The following MECOM variants were observed in gnomAD, a reference collection of about 807,000 sequenced individuals.
MECOM encodes histone-lysine N-methyltransferase MECOM.
A neutral mutation model predicts 116.3 loss-of-function variants in MECOM; 13 were observed. The ratio of observed to expected loss-of-function variants is 0.11; its 90% CI spans 0.07 to 0.18. MECOM has a LOEUF of 0.18. Ranked by LOEUF, MECOM falls within the 10% of genes least tolerant of loss-of-function variation. MECOM has a pLI of 1.00. For synonymous variants in MECOM, 528 were observed against 535.2 expected, an observed-to-expected ratio of 0.99 and a Z score of 0.19; for missense variants, 1,299 against 1,509.0, an observed-to-expected ratio of 0.86 and a Z score of 2.31.
intron 1 of MECOM, among the ~76,000 whole-genome samples, chr3:169,505,744 G>A (rs570965292): frequency 6.6e-6 from 1 of 152,286 alleles, no homozygotes; most frequent in South Asian, 2.1e-4. Context: ...ACCTTTTGCT[G>A]GAGGATAAGA....
chr3:169,330,508 A>T (rs935112568), intron 2 of MECOM, among the ~76,000 whole-genome samples: 1 of 152,194 alleles, frequency 6.6e-6, no homozygotes, highest in Non-Finnish European at 1.5e-5. Flanking sequence ...TATTAAATAT[A>T]ATATTTCCAT....
chr3:169,641,741 G>T (rs1170519500), intron 1 of MECOM, among the ~76,000 whole-genome samples: 1 of 152,180 alleles, frequency 6.6e-6, no homozygotes, highest in Non-Finnish European at 1.5e-5. Context: ...TGAGGTTGGG[G>T]TCTATTAACT....
At chr3:169,097,203 C>G (rs970928445) in intron 12 of MECOM, among the ~76,000 whole-genome samples, 1 of 152,046 alleles carries the variant, frequency 6.6e-6, no homozygotes, top group Non-Finnish European at 1.5e-5. Flanking sequence ...ATGTTTCTGC[C>G]ATGCTTCTAA....
rs571425856 is a variant in MECOM, at chr3:169,239,326, G to C, written c.376-95494C>G. On this transcript the variant is annotated intron_variant, in intron 2 of 16. Coordinates refer to ENST00000651503, the MANE Select transcript of MECOM (RefSeq NM_004991.4). Reference sequence around the variant, plus strand: ...ATAAGGAGAACTTTAAAGAATATTAGAGTATTTGAAATATATGGAGAAATA... The same window carrying C: ...ATAAGGAGAACTTTAAAGAATATTACAGTATTTGAAATATATGGAGAAATA... 1.1e-3 allele frequency among the ~76,000 whole-genome samples: 174 copies of C among 151,962 alleles called. 3 individuals carry two copies. The highest frequency in any genetic ancestry group is 4.0e-3 in the African/African-American group (165 of 41,522).
intron 2 of MECOM, among the ~76,000 whole-genome samples, chr3:169,163,586 C>T (rs2149353631): frequency 6.6e-6 from 1 of 152,246 alleles, no homozygotes; most frequent in East Asian, 1.9e-4. Context: ...GATGACAAAA[C>T]TGAACTCAAT....
intron 2 of MECOM, among the ~76,000 whole-genome samples, chr3:169,226,720 G>A (rs1752770120): frequency 6.6e-6 from 1 of 152,120 alleles, no homozygotes; most frequent in Admixed American, 6.6e-5. Context: ...TAATGGAAAG[G>A]GGAATCAAAG....
chr3:169,145,637 C>T (rs920861493), intron 2 of MECOM: 2 of 224,620 alleles, frequency 8.9e-6, no homozygotes, highest in Non-Finnish European at 1.8e-5. Flanking sequence ...ATACTAATTC[C>T]ATTTCATATT....
At position 169,286,139 on chromosome 3, in the gene MECOM, G is replaced by T. The variant is rs78565623; in HGVS notation, c.375+95048C>A. 6.4e-4 allele frequency among the ~76,000 whole-genome samples: 97 copies of T among 152,258 alleles called. 1 individual carries two copies. In the East Asian group the frequency reaches 0.018, roughly 28 times the overall value. ...AATCATCCACAGTGAAATTCACTTC[G>T]AAGAAACTTCTGTGGATTTGTTTAA... On this transcript the variant is annotated intron_variant, in intron 2 of 16. Transcript: ENST00000651503.
intron 2 of MECOM, among the ~76,000 whole-genome samples, chr3:169,262,650 G>A (rs1317743065): frequency 6.6e-6 from 1 of 152,028 alleles, no homozygotes; most frequent in Admixed American, 6.6e-5. Flanking sequence ...TTTTATTGCA[G>A]TGGAGTGTCA....
chr3:169,474,394 G>A (rs1750025581), intron 1 of MECOM, among the ~76,000 whole-genome samples: 1 of 152,064 alleles, frequency 6.6e-6, no homozygotes, highest in African/African-American at 2.4e-5. Flanking sequence ...TAATATAGAT[G>A]TCAGTCTGTA....
chr3:169,507,861 C>T (rs1755469046), intron 1 of MECOM, among the ~76,000 whole-genome samples: 3 of 150,906 alleles, frequency 2.0e-5, no homozygotes, highest in Admixed American at 6.6e-5. Context: ...GGGGTTTCAC[C>T]GTGTTAGCCA....
chr3:169,364,467 G>A (rs1228786618), intron 2 of MECOM, among the ~76,000 whole-genome samples: 1 of 151,906 alleles, frequency 6.6e-6, no homozygotes, highest in Non-Finnish European at 1.5e-5. Context: ...TATAGACATA[G>A]GTTGATTATC....
chr3:169,222,414 CCTGA>C (rs1752239143), intron 2 of MECOM, among the ~76,000 whole-genome samples: 1 of 152,128 alleles, frequency 6.6e-6, no homozygotes, highest in South Asian at 2.1e-4. Context: ...CATATGGTGC[CCTGA>C]CTGGTCACAT....
intron 2 of MECOM, among the ~76,000 whole-genome samples, chr3:169,343,279 G>A (rs16853540): frequency 0.021 from 3,229 of 152,194 alleles, 112 homozygotes; most frequent in African/African-American, 0.074. Context: ...CAGAGGGCTC[G>A]CAGAGGCAGG....
intron 1 of MECOM, among the ~76,000 whole-genome samples, chr3:169,527,499 C>A (rs773571143): frequency 6.6e-6 from 1 of 152,194 alleles, no homozygotes; most frequent in East Asian, 1.9e-4. Flanking sequence ...TTAATCTAAA[C>A]GTGATGGCTT....
At chr3:169,480,502 T>C (rs1163181613) in intron 1 of MECOM, among the ~76,000 whole-genome samples, 4 of 152,194 alleles carry the variant, frequency 2.6e-5, no homozygotes, top group Non-Finnish European at 5.9e-5. Context: ...TCCCACTTTT[T>C]TTCTCATCTC....
chr3:169,514,667 T>A (rs1756406837), intron 1 of MECOM, among the ~76,000 whole-genome samples: 1 of 152,240 alleles, frequency 6.6e-6, no homozygotes, highest in South Asian at 2.1e-4. Flanking sequence ...TTGCATGCGA[T>A]AGGACAGTTG....
At chr3:169,147,454 CGCCGCCCAGAG>C (rs1174548311) in intron 2 of MECOM, 2 of 985,416 alleles carry the variant, frequency 2.0e-6, no homozygotes, top group Non-Finnish European at 2.4e-6. Flanking sequence ...AGCTATCTCC[CGCCGCCCAGAG>C]TGATCTGATC....
chr3:169,286,888 C>T (rs991180680), intron 2 of MECOM, among the ~76,000 whole-genome samples: 1 of 152,002 alleles, frequency 6.6e-6, no homozygotes, highest in Non-Finnish European at 1.5e-5. Context: ...ATCTCATTTC[C>T]TCAGTGCTGA....
Sources: allele counts gnomAD v4.1 joint callset (sites outside exome capture counted in the v4.1 genomes callset), GRCh38; gene constraint gnomAD v4.1.1; transcripts MANE v1.5; gene names NCBI Gene and HGNC (gene_info 2026-07-23, HGNC 2026-07-21).